KDM6A: variants seen among roughly 807,000 people sequenced by gnomAD.
KDM6A encodes the protein lysine demethylase 6A, also known as lysine-specific demethylase 6A.
In KDM6A, 11 loss-of-function variants were observed where a neutral mutation model predicts 117.6. The ratio of observed to expected loss-of-function variants is 0.09; its 90% CI spans 0.06 to 0.15. KDM6A has a LOEUF of 0.15. KDM6A is among the 10% of genes least tolerant of loss of function. The pLI is 1.00. For synonymous variants in KDM6A, 384 were observed against 396.1 expected, an observed-to-expected ratio of 0.97 and a Z score of 0.36; for missense variants, 799 against 1,077.3, an observed-to-expected ratio of 0.74 and a Z score of 3.62.
chrX:44,972,795 G>A (rs965820970), intron 3 of KDM6A, among the ~76,000 whole-genome samples: 2 of 111,383 alleles, frequency 1.8e-5, no homozygotes, highest in Non-Finnish European at 3.8e-5. Context: ...CACACTTTGG[G>A]ATGCCAAGGC....
At chrX:44,912,619 C>G (rs1226193032) in intron 2 of KDM6A, among the ~76,000 whole-genome samples, 1 of 111,802 alleles carries the variant, frequency 8.9e-6, no homozygotes, top group Non-Finnish European at 1.9e-5. Context: ...AAATTAATGA[C>G]CTACTGAACA....
Position 45,069,722 on chromosome X carries a change from A to T in KDM6A, c.2223A>T (p.Ser741=), listed in dbSNP as rs2044725979. The change falls in exon 18 of 30, where the codon TCA becomes TCT. Residue 741 remains serine, a synonymous_variant. Transcript: ENST00000611820. ...GACATCCCACCCTGCCTAGCAATTC[A>T]GTAACACAGGGGGCTGCTCTCAATC... The part of the protein sequence containing the change: ...QNGHPTLPSN[S]VTQGAALNHL... The T allele has an allele frequency of 2.5e-6, 3 of 1,209,934 alleles. No homozygotes were observed. The highest frequency in any genetic ancestry group is 3.4e-6 in the Non-Finnish European group (3 of 894,778).
At chrX:44,984,424 C>T (rs1258743478) in intron 4 of KDM6A, among the ~76,000 whole-genome samples, 1 of 111,346 alleles carries the variant, frequency 9.0e-6, no homozygotes, top group African/African-American at 3.3e-5. Context: ...AATTAGATCC[C>T]ATTTGTCAAT....
chrX:44,972,397 C>CT (rs148977619), intron 3 of KDM6A, among the ~76,000 whole-genome samples: 20 of 106,576 alleles, frequency 1.9e-4, no homozygotes, highest in Non-Finnish European at 3.3e-4. Flanking sequence ...GCCTTTCTTT[C>CT]TTTTTTTTTT....
chrX:45,051,559 TAAAG>T (rs1008806581), intron 8 of KDM6A, 146 bp from the exon 9 acceptor site: 22 of 423,537 alleles, frequency 5.2e-5, no homozygotes, highest in African/African-American at 1.0e-4. Context: ...TGTCTGATGT[TAAAG>T]AAACATTCAA....
At chrX:45,090,001 T>C (rs2148197462) in intron 26 of KDM6A, 71 bp downstream of exon 26, 1 of 873,789 alleles carries the variant, frequency 1.1e-6, no homozygotes, top group Non-Finnish European at 1.6e-6. Flanking sequence ...GTTCCTTTTT[T>C]CTTGAAATAT....
chrX:44,990,530 A>G (rs2040513299), intron 4 of KDM6A, among the ~76,000 whole-genome samples: 1 of 101,471 alleles, frequency 9.9e-6, no homozygotes, highest in Admixed American at 1.1e-4. Context: ...AGCTTGGGCA[A>G]CGAGCGAAAC....
intron 18 of KDM6A, among the ~76,000 whole-genome samples, chrX:45,073,960 C>T (rs1433479880): frequency 6.3e-5 from 7 of 111,740 alleles, no homozygotes; most frequent in Non-Finnish European, 9.4e-5. Context: ...ATGCCTATGT[C>T]GTGAATGGTA....
chrX:45,024,097 T>C (rs942001273), intron 6 of KDM6A, among the ~76,000 whole-genome samples: 1 of 112,366 alleles, frequency 8.9e-6, no homozygotes, highest in African/African-American at 3.2e-5. Flanking sequence ...GCTATAAACA[T>C]GTGTGTGCAA....
At chrX:44,990,843 C>T (rs758727200) in intron 4 of KDM6A, among the ~76,000 whole-genome samples, 32 of 111,779 alleles carry the variant, frequency 2.9e-4, no homozygotes, top group African/African-American at 9.4e-4. Context: ...GACTATCCTA[C>T]CTTTGTAATT....
rs1201652199 is a variant in KDM6A, at chrX:45,062,767, T to C, written c.1683+19T>C. 4 of 1,034,424 alleles carry C rather than the reference T, an allele frequency of 3.9e-6. No homozygotes were observed. The highest frequency in any genetic ancestry group is 3.8e-5 in the South Asian group (2 of 52,622). 85.2% of individuals were successfully genotyped at this position (1,034,424 alleles called of 1,213,427 possible). On this transcript the variant is annotated intron_variant, in intron 16 of 29. Transcript: ENST00000611820. ...ACACCAAGTGTGTATAGCATATTTT[T>C]CCCTGAAATTTGTTAGCATTTTGAG...
At chrX:44,928,389 C>G (rs1346917325) in intron 2 of KDM6A, among the ~76,000 whole-genome samples, 1 of 111,888 alleles carries the variant, frequency 8.9e-6, no homozygotes, top group East Asian at 2.8e-4. Context: ...ATCTTTTCAA[C>G]TTTTCTGATG....
chrX:44,907,630 T>C (rs1229066022), intron 2 of KDM6A, among the ~76,000 whole-genome samples: 1 of 108,545 alleles, frequency 9.2e-6, no homozygotes, highest in Non-Finnish European at 1.9e-5. Flanking sequence ...TTTTTTTTAG[T>C]AGAGATGGGG....
chrX:44,939,794 A>C (rs907248656), intron 2 of KDM6A, among the ~76,000 whole-genome samples: 4 of 112,126 alleles, frequency 3.6e-5, no homozygotes, highest in Non-Finnish European at 7.5e-5. Context: ...ATCAGTCAGC[A>C]GCTATGAACA....
chrX:44,932,108 T>A (rs2036663832), intron 2 of KDM6A, among the ~76,000 whole-genome samples: 1 of 91,498 alleles, frequency 1.1e-5, no homozygotes, highest in African/African-American at 4.1e-5. Flanking sequence ...TTTTTTTTTT[T>A]TTTTAAGATG....
intron 8 of KDM6A, among the ~76,000 whole-genome samples, chrX:45,038,233 G>A (rs997011063): frequency 1.1e-4 from 12 of 111,428 alleles, no homozygotes; most frequent in African/African-American, 3.9e-4. Context: ...AAGAAAAAAA[G>A]AAACAACTGA....
chrX:44,981,661 C>T (rs2039915582), intron 4 of KDM6A, among the ~76,000 whole-genome samples: 1 of 111,845 alleles, frequency 8.9e-6, no homozygotes, highest in Non-Finnish European at 1.9e-5. Flanking sequence ...ATGCTTTGCT[C>T]TTTGCTGTGA....
intron 14 of KDM6A, 80 bp downstream of exon 14, chrX:45,060,844 C>T (rs2044259420): frequency 1.6e-6 from 1 of 634,500 alleles, no homozygotes; most frequent in African/African-American, 2.3e-5. Flanking sequence ...TTGAACATTT[C>T]CTGTCCTTTA....
At chrX:45,031,261 T>A (rs2042591891) in intron 6 of KDM6A, among the ~76,000 whole-genome samples, 1 of 111,885 alleles carries the variant, frequency 8.9e-6, no homozygotes, top group Non-Finnish European at 1.9e-5. Context: ...GTTAAAATTT[T>A]AAAAATCCTA....
Sources: gnomAD v4.1 joint callset for allele counts (sites outside exome capture counted in the v4.1 genomes callset) on GRCh38, gnomAD v4.1.1 for gene constraint, MANE v1.5 for transcripts, NCBI Gene and HGNC (gene_info 2026-07-23, HGNC 2026-07-21) for gene names.